Variants in BEST2 observed in about 807,000 individuals in gnomAD.
The protein encoded by BEST2 is bestrophin-2a.
In BEST2, 36 loss-of-function variants were observed where a neutral mutation model predicts 49.0. The ratio of observed to expected loss-of-function variants is 0.73; its 90% confidence interval spans 0.56 to 0.97. The LOEUF is 0.97. Ranked by LOEUF, BEST2 falls within the 50% of genes least tolerant of loss-of-function variation. BEST2 has a pLI of 0.00. For missense variants in BEST2, 672 were observed against 710.0 expected, an observed-to-expected ratio of 0.95 and a Z score of 0.61; for synonymous variants, 335 against 304.4, an observed-to-expected ratio of 1.10 and a Z score of -1.05.
In BEST2 at chr19:12,755,427, T is replaced by A. The variant is rs1328701213; in HGVS notation, c.685T>A (p.Trp229Arg). 6.2e-7 allele frequency: 1 copy of A among 1,614,178 alleles called. No individual in the cohort carries two copies. The change falls in exon 6 of 10, where the codon TGG becomes AGG. Residue 229 changes from tryptophan to arginine, a missense_variant. Physicochemically the swap from Trp to Arg is moderately radical, Grantham distance 101 (BLOSUM62 -3). Transcript: ENST00000553030. This position sits in a 1 kb window ranked among gnomAD's most constrained non-coding sequence, Gnocchi z 4.4. The stretch of plus-strand genomic sequence containing the variant: ...ATGTGGAATGCTCTTTCACTATGAC[T>A]GGATTAGCGTACCCCTCGTGTACAC... ...GKCGMLFHYD[W>R]ISVPLVYTQV...
rs1408280417 is a variant in BEST2 at position 12,755,423 on chromosome 19, T to C, written c.681T>C (p.Tyr227=). 1 of 1,614,082 alleles carries C rather than the reference T, an allele frequency of 6.2e-7. No homozygotes were observed. The highest frequency in any genetic ancestry group is 1.7e-5 in the Admixed American group (1 of 60,002). Residue 227 remains tyrosine, a synonymous_variant, in exon 6 of 10, where the codon TAT becomes TAC. Coordinates refer to ENST00000553030, the MANE Select transcript of BEST2 (RefSeq NM_017682.3). This position sits in a 1 kb window ranked among gnomAD's most constrained non-coding sequence, Gnocchi z 4.4. ...FRGKCGMLFH[Y]DWISVPLVYT... ...GCAAATGTGGAATGCTCTTTCACTA[T>C]GACTGGATTAGCGTACCCCTCGTGT...
intron 1 of BEST2, among the ~76,000 whole-genome samples, chr19:12,752,272 G>A (rs1423651997): frequency 6.6e-6 from 1 of 151,798 alleles, no homozygotes. Context: ...GAAGGGGATC[G>A]GGCAGAGGGT....
chr19:12,755,710 C>T lies in BEST2; in HGVS notation c.810C>T (p.Asp270=). 6.2e-7 allele frequency: 1 copy of T among 1,614,158 alleles called. No homozygotes were observed. Among genetic ancestry groups the T allele is most frequent in the Non-Finnish European group, 8.5e-7 (1 of 1,180,040 alleles). ...PAQGYKDHDL[D]LCVPIFTLLQ... ...AGGGTTACAAAGACCACGACCTAGA[C>T]CTGTGTGTGCCCATCTTCACCCTCT... Residue 270 remains aspartate (D), a synonymous_variant, in exon 7 of 10, where the codon GAC becomes GAT. Transcript: ENST00000553030. This position sits in a 1 kb window ranked among gnomAD's most constrained non-coding sequence, Gnocchi z 4.4.
At chr19:12,753,935 T>C (rs1967902593) in intron 3 of BEST2, among the ~76,000 whole-genome samples, 1 of 152,052 alleles carries the variant, frequency 6.6e-6, no homozygotes, top group Non-Finnish European at 1.5e-5. Flanking sequence ...CCCTATGCCT[T>C]CACAGCAAGC....
chr19:12,752,928 C>T (rs1411163192), intron 2 of BEST2, among the ~76,000 whole-genome samples, 184 bp downstream of exon 2: 1 of 148,368 alleles, frequency 6.7e-6, no homozygotes, highest in Non-Finnish European at 1.5e-5. Context: ...CTCTTACTTC[C>T]ACCTCTGCCT....
In BEST2 at chr19:12,757,689, G is replaced by T. The variant is rs1263790947; in HGVS notation, c.1142G>T (p.Gly381Val). The T allele has an allele frequency of 1.3e-6, 2 of 1,545,748 alleles. No homozygotes were observed. Among genetic ancestry groups the T allele is most frequent in the Admixed American group, 3.9e-5 (2 of 51,404 alleles). The change falls in exon 10 of 10, where the codon GGC becomes GTC. Residue 381 changes from glycine to valine, a missense_variant. By Grantham distance (109) the Gly-to-Val change is moderately radical. This residue lies in a region of BEST2 where 291 missense variants were observed against 279.8 expected (regional missense o/e 1.04). Transcript: ENST00000553030. Reference protein sequence around the residue: ...KEDMQFQRLDGLDGPMGEAPG... With the variant: ...KEDMQFQRLDVLDGPMGEAPG... ...GACATGCAGTTCCAGCGGCTGGACGGCTTGGATGGACCGATGGGAGAGGCG... is the reference window on the plus strand; with the variant it reads ...GACATGCAGTTCCAGCGGCTGGACGTCTTGGATGGACCGATGGGAGAGGCG...
Position 12,755,853 on chromosome 19 carries a change from A to G in BEST2, c.868-2A>G, listed in dbSNP as rs755696355. On this transcript the variant is annotated splice_acceptor_variant, in intron 7 of 9. Coordinates refer to ENST00000553030, the MANE Select transcript of BEST2 (RefSeq NM_017682.3). LOFTEE classifies it high-confidence loss of function. The surrounding 1 kb of genome is among the most constrained non-coding windows in gnomAD (Gnocchi z 4.4). ...CCACCTAACTGCTCCCTCTCCTCTC[A>G]GGTAGCTGAGCAGCTCATCAACCCC... The G allele has an allele frequency of 6.2e-7, 1 of 1,614,174 alleles. No individual in the cohort carries two copies. The highest frequency in any genetic ancestry group is 8.5e-7 in the Non-Finnish European group (1 of 1,180,016).
At chr19:12,752,139 G>C (rs1599456308) in intron 1 of BEST2, among the ~76,000 whole-genome samples, 1 of 152,082 alleles carries the variant, frequency 6.6e-6, no homozygotes, top group East Asian at 1.9e-4. Flanking sequence ...TGGGGAAGTG[G>C]AGAAGGGGGA....
Position 12,756,263 on chromosome 19 carries a change from G to C in BEST2, c.1071G>C (p.Gln357His). ...YTAATVFQLR[Q>H]PSFQGSTFDI... ...CGGCTACTGTCTTCCAGCTGCGGCAGCCTTCCTTCCAGGGCTCCACCTTTG... is the reference window on the plus strand; with the variant it reads ...CGGCTACTGTCTTCCAGCTGCGGCACCCTTCCTTCCAGGGCTCCACCTTTG... The change falls in exon 9 of 10, where the codon CAG (glutamine) becomes CAC (histidine). Residue 357 changes from glutamine (Q) to histidine (H), a missense_variant. Gln to His is a conservative substitution (Grantham distance 24). This residue lies in a region of BEST2 where 291 missense variants were observed against 279.8 expected (regional missense o/e 1.04). Coordinates refer to ENST00000553030, the MANE Select transcript of BEST2 (RefSeq NM_017682.3). 6.2e-7 allele frequency: 1 copy of C among 1,613,804 alleles called. No homozygotes were observed. Among genetic ancestry groups the C allele is most frequent in the Non-Finnish European group, 8.5e-7 (1 of 1,180,038 alleles).
intron 9 of BEST2, 103 bp from the exon 10 acceptor site, chr19:12,757,548 T>C: frequency 7.7e-7 from 1 of 1,294,176 alleles, no homozygotes; most frequent in East Asian, 2.6e-5. Context: ...TGGGGATAAG[T>C]GGGACAAAGC....
In BEST2 at chr19:12,754,514, G is replaced by A. The variant is rs777006029; in HGVS notation, c.248-38G>A. The A allele has an allele frequency of 2.1e-6, 3 of 1,439,262 alleles. No homozygotes were observed. The South Asian group carries it at 4.2e-5, about 20-fold the overall frequency. 89.2% of individuals were successfully genotyped at this position (1,439,262 alleles called of 1,614,324 possible). On this transcript the variant is annotated intron_variant, in intron 3 of 9. Transcript: ENST00000553030. ...CTGGGCCCCCAAACCCCTGGCCCTG[G>A]TGTCCCCACTGAGCCCCCATTCCCC...
chr19:12,756,829 G>C (rs958222183), intron 9 of BEST2: 1 of 155,738 alleles, frequency 6.4e-6, no homozygotes, highest in African/African-American at 2.5e-5. Flanking sequence ...CTGGGCAACA[G>C]AGCAAGAGCC....
rs1415127447 is a variant in BEST2, at chr19:12,755,200, C to CT, written c.636+170dup. Among the ~76,000 whole-genome samples, 2 of 152,122 alleles carry CT rather than the reference C, an allele frequency of 1.3e-5. No individual in the cohort carries two copies. The highest frequency in any genetic ancestry group is 2.4e-5 in the African/African-American group (1 of 41,416). On this transcript the variant is annotated intron_variant, in intron 5 of 9. Coordinates refer to ENST00000553030, the MANE Select transcript of BEST2 (RefSeq NM_017682.3). The surrounding 1 kb of genome is among the most constrained non-coding windows in gnomAD (Gnocchi z 4.4). ...TTCCAATGCCCTTGAGGGGCAGCTC[C>CT]TGGGTGCATGGTACCTCATCCAGGT... is the stretch of plus-strand genomic sequence containing the variant.
chr19:12,754,969 GCGGCACAGGCCCGACGCGA>G lies in BEST2; in HGVS notation c.575_593del (p.Ala192GlyfsTer17). 6.2e-7 allele frequency: 1 copy of G among 1,613,786 alleles called. No individual in the cohort carries two copies. Among genetic ancestry groups the G allele is most frequent in the Non-Finnish European group, 8.5e-7 (1 of 1,179,886 alleles). Reference sequence around the variant, plus strand: ...GCCCTGCGTCTGGTTCTCCAACCTGGCGGCACAGGCCCGACGCGAGGGCCGCATCCGCGACAACAGCGCC... The same window carrying G: ...GCCCTGCGTCTGGTTCTCCAACCTGGGGGCCGCATCCGCGACAACAGCGCC... On this transcript the variant is annotated frameshift_variant, in exon 5 of 10. Transcript: ENST00000553030. LOFTEE classifies it high-confidence loss of function.
At position 12,756,222 on chromosome 19, in the gene BEST2, C is replaced by T. The variant is rs764012466; in HGVS notation, c.1030C>T (p.Arg344Cys). 5 of 1,614,066 alleles carry T rather than the reference C, an allele frequency of 3.1e-6. No individual in the cohort carries two copies. Among genetic ancestry groups the T allele is most frequent in the East Asian group, 2.2e-5 (1 of 44,902 alleles). ...CTTGTACTGGGATGCAGCCGAGGCT[C>T]GCGCCCCATACACAGCGGCTACTGT... is the stretch of plus-strand genomic sequence containing the variant. ...KDLYWDAAEARAPYTAATVFQ... is the reference protein window; with the variant it reads ...KDLYWDAAEACAPYTAATVFQ... Residue 344 changes from arginine (R) to cysteine (C), a missense_variant, in exon 9 of 10, where the codon CGC (arginine) becomes TGC (cysteine). This residue lies in a region of BEST2 where 291 missense variants were observed against 279.8 expected (regional missense o/e 1.04). Coordinates refer to ENST00000553030, the MANE Select transcript of BEST2 (RefSeq NM_017682.3).
In BEST2 at chr19:12,758,232, G is replaced by A. The variant is rs1268671744; in HGVS notation, c.*155G>A. The A allele has an allele frequency of 1.0e-6, 1 of 965,214 alleles. No individual in the cohort carries two copies. The highest frequency in any genetic ancestry group is 1.5e-6 in the Non-Finnish European group (1 of 666,654). 59.8% of individuals were successfully genotyped at this position (965,214 alleles called of 1,614,324 possible). On this transcript the variant is annotated 3_prime_UTR_variant, in exon 10 of 10. Transcript: ENST00000553030. ...CCCGCATGTGTTTGGCGCTGTGCTAGGGGCGGGAGTTCTTCCAGACTCTTG... is the reference window on the plus strand; with the variant it reads ...CCCGCATGTGTTTGGCGCTGTGCTAAGGGCGGGAGTTCTTCCAGACTCTTG...
chr19:12,752,327 G>C (rs868025093), intron 1 of BEST2, among the ~76,000 whole-genome samples: 1 of 151,860 alleles, frequency 6.6e-6, no homozygotes, highest in African/African-American at 2.4e-5. Context: ...TGGTGGTGGG[G>C]GACGGCAGTT....
chr19:12,752,778 G>A, intron 2 of BEST2, 34 bp downstream of exon 2: 1 of 1,573,144 alleles, frequency 6.4e-7, no homozygotes, highest in Middle Eastern at 2.3e-4. Flanking sequence ...TGTTCTAGCG[G>A]AGGGGGGGCA....
chr19:12,755,351 C>T lies in BEST2; in HGVS notation c.637-28C>T, dbSNP rs760144728. The stretch of plus-strand genomic sequence containing the variant: ...TCCCTGTGTGAGCTCACCATTCAGG[C>T]CTCCTCATGACCTGTATCCACCCCC... On this transcript the variant is annotated intron_variant, in intron 5 of 9. Transcript: ENST00000553030. This position sits in a 1 kb window ranked among gnomAD's most constrained non-coding sequence, Gnocchi z 4.4. The T allele has an allele frequency of 1.9e-6, 3 of 1,608,522 alleles. No individual in the cohort carries two copies. In the Admixed American group the frequency reaches 5.0e-5, roughly 27 times the overall value.
Sources: gnomAD v4.1 joint callset for allele counts (sites outside exome capture counted in the v4.1 genomes callset) on GRCh38, gnomAD v4.1.1 for gene constraint, gnomAD v4.1.1 regional missense constraint, Gnocchi (gnomAD v3.1) non-coding constraint, MANE v1.5 for transcripts, NCBI Gene and HGNC (gene_info 2026-07-23, HGNC 2026-07-21) for gene names.